The following PTBP3 variants were observed in gnomAD, a reference collection of about 807,000 sequenced individuals.
The protein encoded by PTBP3 is polypyrimidine tract binding protein 3, also known as polypyrimidine tract-binding protein 3.
PTBP3 carries 20 observed loss-of-function variants against 58.7 expected under a neutral mutation model. The ratio of observed to expected loss-of-function variants is 0.34; its 90% CI spans 0.24 to 0.50. The LOEUF (loss-of-function observed/expected upper bound fraction) is 0.50, where lower values mean the gene tolerates loss of function less well. Ranked by LOEUF, PTBP3 falls within the 20% of genes least tolerant of loss-of-function variation. The pLI, the probability that PTBP3 is intolerant of heterozygous loss-of-function variation, is 0.98. For synonymous variants in PTBP3, 185 were observed against 219.8 expected (o/e 0.84, Z 1.40); for missense variants, 509 against 637.2 (o/e 0.80, Z 2.17).
rs1021709973 is a variant in PTBP3, at chr9:112,222,835, GAGTA to G, written c.*1012_*1015del. ...AATTAAGTAAATACACAGTAATTCTGAGTAAGTATTAGAGATTATAGTGGTACAA... is the reference window on the plus strand; with the variant it reads ...AATTAAGTAAATACACAGTAATTCTGAGTATTAGAGATTATAGTGGTACAA... On this transcript the variant is annotated 3_prime_UTR_variant, in exon 14 of 14. Coordinates refer to ENST00000374257, the MANE Select transcript of PTBP3 (RefSeq NM_001163788.4). 47 of 893,960 alleles carry G rather than the reference GAGTA, an allele frequency of 5.3e-5. No homozygotes were observed. The highest frequency in any genetic ancestry group is 1.2e-4 in the East Asian group (1 of 8,342). 55.4% of individuals were successfully genotyped at this position (893,960 alleles called of 1,614,324 possible). A position where few individuals can be genotyped will look rare whatever the true frequency, so the allele number is the denominator to read the frequency against.
chr9:112,335,030 A>G (rs1468574322), upstream of PTBP3, among the ~76,000 whole-genome samples: 1 of 152,234 alleles, frequency 6.6e-6, no homozygotes. Context: ...TATCAACAAG[A>G]TAAGTAGCTG....
intron 1 of PTBP3, among the ~76,000 whole-genome samples, chr9:112,304,792 C>A (rs570492610): frequency 6.6e-6 from 1 of 152,038 alleles, no homozygotes; most frequent in Non-Finnish European, 1.5e-5. Flanking sequence ...ACTGATTGAT[C>A]GCTTATTTTT....
intron 1 of PTBP3, among the ~76,000 whole-genome samples, chr9:112,303,208 AC>A (rs759362430): frequency 9.6e-4 from 146 of 152,340 alleles, no homozygotes; most frequent in Non-Finnish European, 1.8e-3. Context: ...TGCTTCAAGC[AC>A]TATCCCTTTG....
chr9:112,222,106 T>A lies in PTBP3; in HGVS notation c.*1745A>T, dbSNP rs1378115582. ...GCGCACACCACCATGCCCAGCAAGA[T>A]ATTCTTTATTCTTTTAAAAGTTGAG... On this transcript the variant is annotated 3_prime_UTR_variant, in exon 14 of 14. Transcript: ENST00000374257. 1.0e-6 allele frequency: 1 copy of A among 985,248 alleles called. No individual in the cohort carries two copies. Among genetic ancestry groups the A allele is most frequent in the Non-Finnish European group, 1.2e-6 (1 of 829,466 alleles). The allele number at this position is 985,248 out of a possible 1,614,324, so 61.0% of individuals were successfully genotyped here. A position where few individuals can be genotyped will look rare whatever the true frequency, so the allele number is the denominator to read the frequency against.
chr9:112,346,177 C>CT, the PTBP3 span, among the ~76,000 whole-genome samples: 1 of 150,140 alleles, frequency 6.7e-6, no homozygotes, highest in African/African-American at 2.5e-5. Flanking sequence ...CTTTTTTTTC[C>CT]TTTTTTCTGA....
intron 8 of PTBP3, among the ~76,000 whole-genome samples, chr9:112,233,961 G>GAC (rs1564393633): frequency 2.0e-5 from 3 of 151,372 alleles, no homozygotes; most frequent in South Asian, 2.1e-4. Flanking sequence ...GAGAGAGAGA[G>GAC]AGTAGTTAAA....
chr9:112,225,593 CA>C (rs1475747482), intron 12 of PTBP3, among the ~76,000 whole-genome samples: 5 of 152,090 alleles, frequency 3.3e-5, no homozygotes, highest in Admixed American at 3.3e-4. Context: ...TATTTTATCA[CA>C]GTTTTTTTAA....
At chr9:112,321,584 A>C (rs188086583) in intron 1 of PTBP3, among the ~76,000 whole-genome samples, 8 of 152,026 alleles carry the variant, frequency 5.3e-5, no homozygotes, top group African/African-American at 1.9e-4. Flanking sequence ...TTCATCAGCT[A>C]TTCTTGGACC....
chr9:112,222,305 C>T lies in PTBP3; in HGVS notation c.*1546G>A, dbSNP rs1471563942. The T allele has an allele frequency of 1.0e-6, 1 of 974,222 alleles. No individual in the cohort carries two copies. The highest frequency in any genetic ancestry group is 1.2e-6 in the Non-Finnish European group (1 of 819,498). 60.3% of individuals were successfully genotyped at this position (974,222 alleles called of 1,614,324 possible). A position where few individuals can be genotyped will look rare whatever the true frequency, so the allele number is the denominator to read the frequency against. On this transcript the variant is annotated 3_prime_UTR_variant, in exon 14 of 14. Coordinates refer to ENST00000374257, the MANE Select transcript of PTBP3 (RefSeq NM_001163788.4). The stretch of plus-strand genomic sequence containing the variant: ...ATCACTGAAGCAACATTAAAATGTA[C>T]TCTTACATTCAATGAAAAAGAGAGG...
chr9:112,376,494 C>T, the PTBP3 span, among the ~76,000 whole-genome samples: 2 of 151,762 alleles, frequency 1.3e-5, no homozygotes, highest in Non-Finnish European at 1.5e-5. Context: ...CCTTGTGATC[C>T]GCCTGCCTCG....
the PTBP3 span, among the ~76,000 whole-genome samples, chr9:112,364,254 G>A: frequency 5.1e-5 from 6 of 116,848 alleles, no homozygotes; most frequent in Non-Finnish European, 9.9e-5. Flanking sequence ...GGCAATAAAA[G>A]TTTAATTTGA....
intron 7 of PTBP3, among the ~76,000 whole-genome samples, chr9:112,247,659 G>A (rs1835943087): frequency 6.6e-6 from 1 of 152,088 alleles, no homozygotes; most frequent in South Asian, 2.1e-4. Flanking sequence ...AGGCTACAAT[G>A]AGCTATGATC....
chr9:112,264,393 C>T (rs1410770580), intron 4 of PTBP3, among the ~76,000 whole-genome samples: 2 of 152,178 alleles, frequency 1.3e-5, no homozygotes, highest in African/African-American at 4.8e-5. Flanking sequence ...TTCTCAAATG[C>T]TGTATCTCAG....
intron 1 of PTBP3, among the ~76,000 whole-genome samples, chr9:112,324,550 T>A (rs1208351819): frequency 6.6e-6 from 1 of 152,066 alleles, no homozygotes; most frequent in African/African-American, 2.4e-5. Context: ...GTTGGGTGCC[T>A]GAGGCACGAG....
In PTBP3 at chr9:112,218,571, G is replaced by A. The variant is rs1289197326; in HGVS notation, c.*5280C>T. The A allele has an allele frequency of 2.0e-5, 3 of 152,638 alleles. No homozygotes were observed. The highest frequency in any genetic ancestry group is 3.8e-4 in the East Asian group (2 of 5,204). The allele number at this position is 152,638 out of a possible 1,614,324, so 9.5% of individuals were successfully genotyped here. ...GAACGAAAATGGAATATACTGTAGT[G>A]TACAGAAGCTTGAATTAACCATGCA... is the stretch of plus-strand genomic sequence containing the variant. On this transcript the variant is annotated 3_prime_UTR_variant, in exon 14 of 14. Coordinates refer to ENST00000374257, the MANE Select transcript of PTBP3 (RefSeq NM_001163788.4).
At chr9:112,325,350 C>T (rs960032955) in intron 1 of PTBP3, among the ~76,000 whole-genome samples, 7 of 152,098 alleles carry the variant, frequency 4.6e-5, no homozygotes, top group Non-Finnish European at 8.8e-5. Flanking sequence ...GGGGGTGGAG[C>T]CACCAGGAAT....
intron 1 of PTBP3, chr9:112,298,635 C>A: frequency 6.8e-6 from 3 of 441,120 alleles, no homozygotes; most frequent in South Asian, 3.5e-5. Context: ...TTTACCTTGG[C>A]CAATTTTTAA....
Position 112,232,009 on chromosome 9 carries a change from GAGAAGAGAAGAAAAGA to G in PTBP3, c.1020+74_1020+89del, listed in dbSNP as rs1308013226. ...GAGAAGAGAAGAGAAGAGAAGAGAA[GAGAAGAGAAGAAAAGA>G]AAAGAAAGAAAGAAAAAAGTGCTAC... On this transcript the variant is annotated intron_variant, in intron 9 of 13. Transcript: ENST00000374257. 9.0e-3 allele frequency: 6,657 copies of G among 740,142 alleles called. 930 individuals are homozygous for G. The highest frequency in any genetic ancestry group is 0.044 in the African/African-American group (1,040 of 23,662). The allele number at this position is 740,142 out of a possible 1,614,324, so 45.8% of individuals were successfully genotyped here. A position where few individuals can be genotyped will look rare whatever the true frequency, so the allele number is the denominator to read the frequency against.
chr9:112,346,783 C>T, the PTBP3 span, among the ~76,000 whole-genome samples: 272 of 152,058 alleles, frequency 1.8e-3, no homozygotes, highest in Middle Eastern at 0.031. Context: ...CAGGCTGGAG[C>T]GCAGTGGCGC....
Sources: gnomAD v4.1 joint callset for allele counts (sites outside exome capture counted in the v4.1 genomes callset) on GRCh38, gnomAD v4.1.1 for gene constraint, MANE v1.5 for transcripts, NCBI Gene and HGNC (gene_info 2026-07-23, HGNC 2026-07-21) for gene names.